The following TCF7L1 variants were observed in gnomAD, a reference collection of about 807,000 sequenced individuals.
TCF7L1 encodes transcription factor 7-like 1.
TCF7L1 carries 18 observed loss-of-function variants against 63.7 expected under a neutral mutation model. The ratio of observed to expected loss-of-function variants is 0.28; its 90% CI spans 0.20 to 0.42. The LOEUF is 0.42. Ranked by LOEUF, TCF7L1 falls within the 10% of genes least tolerant of loss-of-function variation. The pLI is 1.00. For synonymous variants in TCF7L1, 355 were observed against 340.9 expected (o/e 1.04, Z -0.46); for missense variants, 654 against 779.3 (o/e 0.84, Z 1.91).
At chr2:85,186,596 C>A (rs1295282786) in intron 3 of TCF7L1, 15 of 152,128 alleles carry the variant, frequency 9.9e-5, no homozygotes, top group Admixed American at 9.2e-4. Context: ...AATTTGTTTC[C>A]TGAAAATTTT....
chr2:85,305,626 A>G (rs549623544), intron 8 of TCF7L1, among the ~76,000 whole-genome samples: 1 of 152,160 alleles, frequency 6.6e-6, no homozygotes, highest in East Asian at 1.9e-4. Context: ...CTTATTAAGG[A>G]AAGTTTTACT....
At chr2:85,167,476 T>C (rs960659208) in intron 3 of TCF7L1, 1 of 152,214 alleles carries the variant, frequency 6.6e-6, no homozygotes, top group Non-Finnish European at 1.5e-5. Flanking sequence ...CTATTCACAA[T>C]AGCCAAGTTA....
At chr2:85,152,658 C>T (rs1678045740) in intron 3 of TCF7L1, among the ~76,000 whole-genome samples, 1 of 131,772 alleles carries the variant, frequency 7.6e-6, no homozygotes, top group African/African-American at 3.3e-5. Context: ...TGGTCTTAAA[C>T]TCTAGACCTC....
chr2:85,185,083 A>G (rs147438057), intron 3 of TCF7L1, among the ~76,000 whole-genome samples: 2 of 152,278 alleles, frequency 1.3e-5, no homozygotes, highest in East Asian at 3.9e-4. Flanking sequence ...TTATAGCCCC[A>G]GATGAAGAAT....
At chr2:85,274,054 C>T (rs892055233) in intron 3 of TCF7L1, among the ~76,000 whole-genome samples, 3 of 152,158 alleles carry the variant, frequency 2.0e-5, no homozygotes, top group Admixed American at 1.3e-4. Flanking sequence ...CCCAGGCACA[C>T]AGCGACAGGG....
chr2:85,166,805 T>G (rs563258309), intron 3 of TCF7L1: 2 of 152,374 alleles, frequency 1.3e-5, no homozygotes, highest in South Asian at 4.1e-4. Context: ...GACATCTGAT[T>G]AAGTGGAAAG....
chr2:85,272,058 GC>G (rs1190041876), intron 3 of TCF7L1, among the ~76,000 whole-genome samples: 2 of 152,162 alleles, frequency 1.3e-5, no homozygotes, highest in East Asian at 1.9e-4. Flanking sequence ...AAACCGGGTT[GC>G]CCCCCACCCC....
intron 3 of TCF7L1, among the ~76,000 whole-genome samples, chr2:85,209,763 T>C (rs1679503091): frequency 6.6e-6 from 1 of 152,012 alleles, no homozygotes; most frequent in South Asian, 2.1e-4. Context: ...AGCGACACCT[T>C]TGCACAGAAA....
At chr2:85,279,888 C>T (rs1432177523) in intron 3 of TCF7L1, among the ~76,000 whole-genome samples, 1 of 152,148 alleles carries the variant, frequency 6.6e-6, no homozygotes, top group Non-Finnish European at 1.5e-5. Flanking sequence ...TGTAAGGGGC[C>T]AGGTATCAGT....
chr2:85,281,932 T>C (rs558143335), intron 3 of TCF7L1, among the ~76,000 whole-genome samples: 131 of 152,236 alleles, frequency 8.6e-4, no homozygotes, highest in African/African-American at 3.1e-3. Flanking sequence ...CAGAGCCAGA[T>C]TGTGATTGAT....
intron 3 of TCF7L1, among the ~76,000 whole-genome samples, chr2:85,153,391 G>C (rs1404773897): frequency 1.5e-5 from 2 of 130,144 alleles, no homozygotes; most frequent in Non-Finnish European, 3.1e-5. Flanking sequence ...ACCCAGGCTG[G>C]AGTACAGTGG....
At chr2:85,217,090 G>A (rs1029235455) in intron 3 of TCF7L1, 3 of 152,224 alleles carry the variant, frequency 2.0e-5, no homozygotes, top group African/African-American at 7.2e-5. Context: ...CCACATGTGT[G>A]TTGAATATGA....
chr2:85,182,219 G>C (rs1486943962), intron 3 of TCF7L1, among the ~76,000 whole-genome samples: 1 of 152,180 alleles, frequency 6.6e-6, no homozygotes, highest in Non-Finnish European at 1.5e-5. Context: ...ATGAGGTCTG[G>C]CACGTGATCT....
chr2:85,268,415 A>G (rs571752933), intron 3 of TCF7L1, among the ~76,000 whole-genome samples: 1 of 152,098 alleles, frequency 6.6e-6, no homozygotes, highest in Non-Finnish European at 1.5e-5. Flanking sequence ...ACCTCTCACA[A>G]ATGATATGCT....
chr2:85,195,107 A>G (rs1220529839), intron 3 of TCF7L1, among the ~76,000 whole-genome samples: 1 of 152,232 alleles, frequency 6.6e-6, no homozygotes, highest in Non-Finnish European at 1.5e-5. Context: ...ATCTGGGTTC[A>G]CCAACTACCT....
chr2:85,219,359 A>T (rs758298222), intron 3 of TCF7L1, among the ~76,000 whole-genome samples: 1 of 152,236 alleles, frequency 6.6e-6, no homozygotes, highest in Non-Finnish European at 1.5e-5. Context: ...AAAATCAAAG[A>T]TGCACATATC....
intron 3 of TCF7L1, among the ~76,000 whole-genome samples, chr2:85,147,647 C>T (rs1457184066): frequency 1.3e-5 from 2 of 152,066 alleles, no homozygotes; most frequent in Admixed American, 1.3e-4. Context: ...TAAGGTGTAG[C>T]CCCTGTGCCA....
chr2:85,261,274 C>G (rs368920170), intron 3 of TCF7L1, among the ~76,000 whole-genome samples: 282 of 152,184 alleles, frequency 1.9e-3, no homozygotes, highest in African/African-American at 6.5e-3. Flanking sequence ...TAACAAGGCC[C>G]GTAGGCCTGT....
At chr2:85,267,116 G>A (rs572027928) in intron 3 of TCF7L1, among the ~76,000 whole-genome samples, 35 of 152,268 alleles carry the variant, frequency 2.3e-4, no homozygotes, top group Non-Finnish European at 2.8e-4. Context: ...CGAGGCGGGC[G>A]GATCACTTGA....
Sources: allele counts gnomAD v4.1 joint callset (sites outside exome capture counted in the v4.1 genomes callset), GRCh38; gene constraint gnomAD v4.1.1; transcripts MANE v1.5; gene names NCBI Gene and HGNC (gene_info 2026-07-23, HGNC 2026-07-21).